KIF13B: variants seen among roughly 807,000 people sequenced by gnomAD.
KIF13B encodes the protein kinesin family member 13B, also known as kinesin-like protein KIF13B.
Under a neutral mutation model 222.0 loss-of-function variants are expected in KIF13B, and 127 were observed. That is an observed-to-expected ratio of 0.57 (90% CI 0.50 to 0.66). KIF13B has a LOEUF of 0.66. Among genes scored for constraint, KIF13B ranks in the 30% least tolerant of loss-of-function variants. KIF13B has a pLI of 0.00. For missense variants in KIF13B, 2,173 were observed against 2,379.0 expected, an observed-to-expected ratio of 0.91 and a Z score of 1.80; for synonymous variants, 976 against 919.0, an observed-to-expected ratio of 1.06 and a Z score of -1.12.
Position 29,070,888 on chromosome 8 carries a change from G to C in KIF13B, c.5219-122C>G. On this transcript the variant is annotated intron_variant, in intron 39 of 39. Transcript: ENST00000524189. The surrounding 1 kb of genome is among the most constrained non-coding windows in gnomAD (Gnocchi z 4.1). ...CACCCCCCCGCACAGGCCCTACACA[G>C]CCAGCACTCGGACACTGGCCATTGT... 9.4e-7 allele frequency: 1 copy of C among 1,068,150 alleles called. No homozygotes were observed. The highest frequency in any genetic ancestry group is 1.4e-6 in the Non-Finnish European group (1 of 736,290). 66.2% of individuals were successfully genotyped at this position (1,068,150 alleles called of 1,614,324 possible).
At chr8:29,161,038 T>A (rs1346602834) in intron 12 of KIF13B, among the ~76,000 whole-genome samples, 171 bp from the exon 13 acceptor site, 13 of 152,228 alleles carry the variant, frequency 8.5e-5, no homozygotes, top group Non-Finnish European at 8.8e-5. Flanking sequence ...ACTATATGAT[T>A]TTTTTGTTAA....
chr8:29,130,669 G>C lies in KIF13B; in HGVS notation c.2943-4C>G, dbSNP rs1227589872. ...TTTCCTGGTCACTTCACTCCATCTAGGAAATAAGCGAAGTTCTTGGAAAAT... is the reference window on the plus strand; with the variant it reads ...TTTCCTGGTCACTTCACTCCATCTACGAAATAAGCGAAGTTCTTGGAAAAT... On this transcript the variant is annotated splice_polypyrimidine_tract_variant and splice_region_variant and intron_variant, in intron 23 of 39. Coordinates refer to ENST00000524189, the MANE Select transcript of KIF13B (RefSeq NM_015254.4). 1.9e-6 allele frequency: 3 copies of C among 1,613,598 alleles called. No homozygotes were observed. The highest frequency in any genetic ancestry group is 2.5e-6 in the Non-Finnish European group (3 of 1,179,688).
At chr8:29,149,516 GCCC>G (rs751829164) in intron 15 of KIF13B, among the ~76,000 whole-genome samples, 1 of 152,176 alleles carries the variant, frequency 6.6e-6, no homozygotes, top group Non-Finnish European at 1.5e-5. Flanking sequence ...CACATGTACA[GCCC>G]CAGGTGAGAC....
At chr8:29,124,776 T>C (rs1411584672) in intron 26 of KIF13B, among the ~76,000 whole-genome samples, 7 of 151,138 alleles carry the variant, frequency 4.6e-5, no homozygotes, top group African/African-American at 1.7e-4. Flanking sequence ...CCCAGCTACT[T>C]GGGAGCTGAG....
rs1484197514 is a variant in KIF13B, at chr8:29,071,773, A to G, written c.5065T>C (p.Ser1689Pro). Residue 1689 changes from serine (S) to proline (P), a missense_variant, in exon 39 of 40, where the codon TCT becomes CCT. By Grantham distance (74) the Ser-to-Pro change is moderately conservative (BLOSUM62 -1). Transcript: ENST00000524189. The surrounding 1 kb of genome is among the most constrained non-coding windows in gnomAD (Gnocchi z 4.9). Reference sequence around the variant, plus strand: ...ACCTCGTCAGCTTCCTCGGAATCAGAGGCCAGGGCCTGTCCCCCGGCGCCC... The same window carrying G: ...ACCTCGTCAGCTTCCTCGGAATCAGGGGCCAGGGCCTGTCCCCCGGCGCCC... ...APGAGGQALA[S>P]DSEEADEVPE... 1.3e-6 allele frequency: 2 copies of G among 1,549,030 alleles called. No individual in the cohort carries two copies. The highest frequency in any genetic ancestry group is 2.4e-5 in the East Asian group (1 of 40,892).
chr8:29,219,259 T>C (rs1182453096), intron 2 of KIF13B: 1 of 152,248 alleles, frequency 6.6e-6, no homozygotes, highest in African/African-American at 2.4e-5. Flanking sequence ...AGATGTGGAA[T>C]AATAACGCTG....
chr8:29,257,573 A>T (rs970725244), intron 1 of KIF13B, among the ~76,000 whole-genome samples: 1 of 152,202 alleles, frequency 6.6e-6, no homozygotes, highest in Non-Finnish European at 1.5e-5. Flanking sequence ...ATTGTATTTT[A>T]TATTATAAAT....
Position 29,072,242 on chromosome 8 carries a change from A to G in KIF13B, c.4596T>C (p.Pro1532=). The G allele has an allele frequency of 6.8e-7, 1 of 1,470,962 alleles. No individual in the cohort carries two copies. The highest frequency in any genetic ancestry group is 9.0e-7 in the Non-Finnish European group (1 of 1,111,916). The allele number at this position is 1,470,962 out of a possible 1,614,324, so 91.1% of individuals were successfully genotyped here. The part of the protein sequence containing the change: ...GAPALKICDK[P]AKVPSPPPVI... ...CAGGCGGTGGGGAAGGCACTTTGGC[A>G]GGTTTGTCGCAGATCTTCAAGGCCG... The change falls in exon 39 of 40, where the codon CCT becomes CCC. Residue 1532 remains proline (P), a synonymous_variant. Coordinates refer to ENST00000524189, the MANE Select transcript of KIF13B (RefSeq NM_015254.4).
At chr8:29,194,864 C>T (rs1018039234) in intron 3 of KIF13B, among the ~76,000 whole-genome samples, 3 of 152,124 alleles carry the variant, frequency 2.0e-5, no homozygotes, top group South Asian at 4.1e-4. Flanking sequence ...AAACATGCAA[C>T]TGAATTAAAT....
At chr8:29,104,416 ATC>A (rs1288467993) in intron 35 of KIF13B, among the ~76,000 whole-genome samples, 3 of 151,994 alleles carry the variant, frequency 2.0e-5, no homozygotes, top group Non-Finnish European at 4.4e-5. Flanking sequence ...GTCTCTCGTC[ATC>A]TCTCTGGCTA....
At chr8:29,124,155 G>T (rs1445943269) in intron 26 of KIF13B, 32 bp from the exon 27 acceptor site, 2 of 1,268,612 alleles carry the variant, frequency 1.6e-6, no homozygotes, top group Non-Finnish European at 2.3e-6. Context: ...CATATTCAAT[G>T]TAATGTCAAG....
intron 3 of KIF13B, among the ~76,000 whole-genome samples, chr8:29,195,538 AG>A (rs1813379849): frequency 6.6e-6 from 1 of 152,244 alleles, no homozygotes; most frequent in South Asian, 2.1e-4. Flanking sequence ...CGGACTGTAA[AG>A]GAAAAACAAA....
rs542721993 is a variant in KIF13B at position 29,222,093 on chromosome 8, T to C, written c.149+23253A>G. 2.4e-4 allele frequency among the ~76,000 whole-genome samples: 37 copies of C among 152,194 alleles called. No individual in the cohort carries two copies. The East Asian group carries it at 6.6e-3, about 27-fold the overall frequency. ...CAGGCACAGTGGCTCCCGACTACAA[T>C]CCCAGTACTTTGGGAGGCTGAGGTA... On this transcript the variant is annotated intron_variant, in intron 2 of 39. Coordinates refer to ENST00000524189, the MANE Select transcript of KIF13B (RefSeq NM_015254.4).
chr8:29,223,339 AAAAAAAC>A (rs1235000887), intron 2 of KIF13B, among the ~76,000 whole-genome samples: 4 of 150,474 alleles, frequency 2.7e-5, no homozygotes, highest in South Asian at 2.1e-4. Flanking sequence ...CTCAAAAAAA[AAAAAAAC>A]AAAAAAATCT....
At chr8:29,133,600 C>A (rs1810438484) in intron 22 of KIF13B, among the ~76,000 whole-genome samples, 1 of 152,028 alleles carries the variant, frequency 6.6e-6, no homozygotes. Flanking sequence ...CAAAACAAAA[C>A]AAACAAACAC....
At chr8:29,120,180 T>G (rs994445920) in intron 29 of KIF13B, among the ~76,000 whole-genome samples, 9 of 149,206 alleles carry the variant, frequency 6.0e-5, no homozygotes, top group African/African-American at 1.5e-4. Flanking sequence ...TTTTTTTTTT[T>G]TTTTTTTTTT....
intron 35 of KIF13B, among the ~76,000 whole-genome samples, chr8:29,100,062 T>TA (rs1470913147): frequency 1.3e-5 from 2 of 152,238 alleles, no homozygotes; most frequent in Non-Finnish European, 2.9e-5. Context: ...TTTAAATAGA[T>TA]ATTAAAGATA....
chr8:29,189,920 A>T (rs1813102456), intron 4 of KIF13B: 1 of 152,270 alleles, frequency 6.6e-6, no homozygotes. Flanking sequence ...CCATTTTCCA[A>T]TCAACATTAA....
intron 26 of KIF13B, among the ~76,000 whole-genome samples, chr8:29,125,714 A>C (rs1473950034): frequency 6.6e-6 from 1 of 151,810 alleles, no homozygotes; most frequent in Middle Eastern, 3.4e-3. Context: ...AAAGAAACAA[A>C]GTCTTGCAGG....
Sources: gnomAD v4.1 joint callset for allele counts (sites outside exome capture counted in the v4.1 genomes callset) on GRCh38, gnomAD v4.1.1 for gene constraint, Gnocchi (gnomAD v3.1) non-coding constraint, MANE v1.5 for transcripts, NCBI Gene and HGNC (gene_info 2026-07-23, HGNC 2026-07-21) for gene names.